The following DLG2 variants were observed in gnomAD, a reference collection of about 807,000 sequenced individuals.
DLG2 encodes the protein discs large MAGUK scaffold protein 2.
A neutral mutation model predicts 132.5 loss-of-function variants in DLG2; 45 were observed. The ratio of observed to expected loss-of-function variants is 0.34; its 90% CI spans 0.27 to 0.44. The LOEUF (loss-of-function observed/expected upper bound fraction) is 0.44. Among genes scored for constraint, DLG2 ranks in the 20% least tolerant of loss-of-function variants. The pLI is 1.00. For missense variants in DLG2, 1,045 were observed against 1,196.9 expected, an observed-to-expected ratio of 0.87 and a Z score of 1.87; for synonymous variants, 424 against 419.6, an observed-to-expected ratio of 1.01 and a Z score of -0.13.
intron 6 of DLG2, among the ~76,000 whole-genome samples, chr11:84,851,347 A>G (rs1339849900): frequency 6.6e-6 from 1 of 152,064 alleles, no homozygotes; most frequent in African/African-American, 2.4e-5. Context: ...GCTATATAGT[A>G]TTCCACTATA....
At chr11:84,796,737 G>C (rs1285269838) in intron 6 of DLG2, among the ~76,000 whole-genome samples, 1 of 151,760 alleles carries the variant, frequency 6.6e-6, no homozygotes, top group Non-Finnish European at 1.5e-5. Context: ...CGGCCTATAA[G>C]GTTCCCATTG....
At chr11:83,663,658 C>G (rs2074885676) in intron 18 of DLG2, among the ~76,000 whole-genome samples, 1 of 152,138 alleles carries the variant, frequency 6.6e-6, no homozygotes, top group Admixed American at 6.5e-5. Flanking sequence ...AGATTGTATG[C>G]TCTGACTCAG....
At chr11:85,105,370 A>G (rs1177170686) in intron 6 of DLG2, among the ~76,000 whole-genome samples, 1 of 151,978 alleles carries the variant, frequency 6.6e-6, no homozygotes, top group Non-Finnish European at 1.5e-5. Flanking sequence ...GTAAGTCTAA[A>G]ATACTGTAAG....
At chr11:84,691,655 G>A (rs1377945172) in intron 6 of DLG2, among the ~76,000 whole-genome samples, 1 of 150,708 alleles carries the variant, frequency 6.6e-6, no homozygotes, top group Non-Finnish European at 1.5e-5. Context: ...ATTCAGTTTA[G>A]CTTTTTTTTT....
chr11:84,733,016 AC>A (rs1014180531), intron 6 of DLG2, among the ~76,000 whole-genome samples: 2 of 152,162 alleles, frequency 1.3e-5, no homozygotes, highest in African/African-American at 4.8e-5. Flanking sequence ...TATATGTGCC[AC>A]ATTTTCTTAA....
chr11:84,064,636 GTTAGCTA>G (rs1204050179), intron 10 of DLG2, among the ~76,000 whole-genome samples: 1 of 152,158 alleles, frequency 6.6e-6, no homozygotes, highest in Non-Finnish European at 1.5e-5. Flanking sequence ...CATCAAAAAT[GTTAGCTA>G]TCATTACGAA....
chr11:84,568,420 C>G (rs557459337), intron 6 of DLG2, among the ~76,000 whole-genome samples: 17 of 152,260 alleles, frequency 1.1e-4, no homozygotes, highest in African/African-American at 4.1e-4. Flanking sequence ...GGCATGAGAA[C>G]TACTTGAACC....
At chr11:84,761,862 A>G (rs2067672639) in intron 6 of DLG2, among the ~76,000 whole-genome samples, 1 of 152,106 alleles carries the variant, frequency 6.6e-6, no homozygotes, top group Admixed American at 6.5e-5. Flanking sequence ...TCATATATTC[A>G]TCTATCTTAT....
chr11:83,990,154 G>C (rs1316050493), intron 11 of DLG2, among the ~76,000 whole-genome samples: 1 of 152,038 alleles, frequency 6.6e-6, no homozygotes. Context: ...TTCACAAAAG[G>C]AAGTAAAATC....
chr11:83,800,959 AATCT>A lies in DLG2; in HGVS notation c.1723-14171_1723-14168del, dbSNP rs2044215745. 3.3e-5 allele frequency among the ~76,000 whole-genome samples: 5 copies of A among 152,326 alleles called. No homozygotes were observed. The South Asian group carries it at 1.0e-3, about 32-fold the overall frequency. On this transcript the variant is annotated intron_variant, in intron 17 of 27. Coordinates refer to ENST00000376104, the MANE Select transcript of DLG2 (RefSeq NM_001142699.3). ...ATTTTTACATTAACTCCAGACTTGAAATCTATCTGCTTACTTGACATCTGCAGAT... is the reference window on the plus strand; with the variant it reads ...ATTTTTACATTAACTCCAGACTTGAAATCTGCTTACTTGACATCTGCAGAT...
intron 6 of DLG2, among the ~76,000 whole-genome samples, chr11:84,588,063 C>T (rs1042975490): frequency 2.6e-5 from 4 of 152,090 alleles, no homozygotes; most frequent in Non-Finnish European, 4.4e-5. Flanking sequence ...AATGCCATGG[C>T]CCCAGCATCA....
Position 84,442,308 on chromosome 11 carries a change from T to G in DLG2, c.519+92262A>C, listed in dbSNP as rs140417729. Reference sequence around the variant, plus strand: ...CTTATTTCCTTGAGCAGTGGTTTGTTTTTCTCCTTGAAGGGGTCCTTTATA... The same window carrying G: ...CTTATTTCCTTGAGCAGTGGTTTGTGTTTCTCCTTGAAGGGGTCCTTTATA... On this transcript the variant is annotated intron_variant, in intron 7 of 27. Coordinates refer to ENST00000376104, the MANE Select transcript of DLG2 (RefSeq NM_001142699.3). 2.8e-3 allele frequency among the ~76,000 whole-genome samples: 433 copies of G among 152,178 alleles called. 1 individual carries two copies. The highest frequency in any genetic ancestry group is 5.1e-3 in the Non-Finnish European group (350 of 68,006).
In DLG2 at chr11:84,731,921, C is replaced by T. The variant is rs78677816; in HGVS notation, c.358-197190G>A. On this transcript the variant is annotated intron_variant, in intron 6 of 27. Transcript: ENST00000376104. ...AACGTTTCCACGTGCCCCTTTATAA[C>T]CTCTACCCCTCATACTCTTTCCCAA... 6.1e-3 allele frequency among the ~76,000 whole-genome samples: 925 copies of T among 152,032 alleles called. 3 individuals carry two copies. Among genetic ancestry groups the T allele is most frequent in the Non-Finnish European group, 0.01 (695 of 67,898 alleles).
At chr11:83,525,461 C>A (rs934738939) in intron 21 of DLG2, among the ~76,000 whole-genome samples, 6 of 152,090 alleles carry the variant, frequency 3.9e-5, no homozygotes, top group Non-Finnish European at 8.8e-5. Flanking sequence ...GTTCTTTATA[C>A]ATAAAAATAT....
intron 3 of DLG2, among the ~76,000 whole-genome samples, chr11:85,340,658 T>A (rs1340316670): frequency 6.6e-6 from 1 of 152,290 alleles, no homozygotes; most frequent in East Asian, 1.9e-4. Context: ...AAGGTAAAAT[T>A]TTTTTAAAAA....
chr11:83,498,002 T>C (rs939500361), intron 21 of DLG2, among the ~76,000 whole-genome samples: 44 of 152,008 alleles, frequency 2.9e-4, no homozygotes, highest in African/African-American at 1.0e-3. Flanking sequence ...GAAAAAGTTA[T>C]CATCTTATTA....
At chr11:85,191,745 G>A (rs1169349494) in intron 4 of DLG2, among the ~76,000 whole-genome samples, 1 of 152,032 alleles carries the variant, frequency 6.6e-6, no homozygotes, top group African/African-American at 2.4e-5. Context: ...CCACAGATAT[G>A]GCAGAAATAT....
chr11:83,489,355 T>C (rs1377371836), intron 21 of DLG2, among the ~76,000 whole-genome samples: 1 of 151,964 alleles, frequency 6.6e-6, no homozygotes, highest in African/African-American at 2.4e-5. Flanking sequence ...ATTTCATCTA[T>C]ATAAAATTGC....
At chr11:84,920,431 T>C (rs150147026) in intron 6 of DLG2, among the ~76,000 whole-genome samples, 1 of 152,286 alleles carries the variant, frequency 6.6e-6, no homozygotes, top group East Asian at 1.9e-4. Context: ...CCAGGTAAAA[T>C]TAGCCTGTGA....
Sources: gnomAD v4.1 joint callset for allele counts (sites outside exome capture counted in the v4.1 genomes callset) on GRCh38, gnomAD v4.1.1 for gene constraint, MANE v1.5 for transcripts, NCBI Gene and HGNC (gene_info 2026-07-23, HGNC 2026-07-21) for gene names.